The following CDV3 variants were observed in gnomAD, a reference collection of about 807,000 sequenced individuals.
CDV3 encodes protein CDV3 homolog.
CDV3 carries 14 observed loss-of-function variants against 24.5 expected under a neutral mutation model. The observed-to-expected ratio is 0.57, with a 90% CI of 0.38 to 0.89. The LOEUF (loss-of-function observed/expected upper bound fraction) is 0.89, where lower values mean the gene tolerates loss of function less well. CDV3 is among the 40% of genes least tolerant of loss of function. The pLI, the probability that CDV3 is intolerant of heterozygous loss-of-function variation, is 0.00. For synonymous variants in CDV3, 114 were observed against 114.1 expected, an observed-to-expected ratio of 1.00 and a Z score of 0.00; for missense variants, 304 against 310.2, an observed-to-expected ratio of 0.98 and a Z score of 0.15.
At chr3:133,576,492 A>C (rs190263270) in intron 2 of CDV3, among the ~76,000 whole-genome samples, 1 of 152,154 alleles carries the variant, frequency 6.6e-6, no homozygotes, top group Non-Finnish European at 1.5e-5. Context: ...TTCCTAAGTG[A>C]CTGCAGGTTC....
chr3:133,589,102 T>C lies in CDV3; in HGVS notation c.*1056T>C, dbSNP rs1933888650. The C allele has an allele frequency of 6.6e-6, 1 of 152,656 alleles. No individual in the cohort carries two copies. Among genetic ancestry groups the C allele is most frequent in the African/African-American group, 2.4e-5 (1 of 41,424 alleles). 9.5% of individuals were successfully genotyped at this position (152,656 alleles called of 1,614,324 possible). A position where few individuals can be genotyped will look rare whatever the true frequency, so the allele number is the denominator to read the frequency against. On this transcript the variant is annotated 3_prime_UTR_variant, in exon 5 of 5. Coordinates refer to ENST00000264993, the MANE Select transcript of CDV3 (RefSeq NM_017548.5). ...GTGTAGGAAACTGCAGTGGGAAGAA[T>C]ATGCTTTCTGCTCAGGCTAAGAGGG...
intron 4 of CDV3, chr3:133,587,139 T>C (rs777407140): frequency 3.5e-5 from 43 of 1,218,936 alleles, no homozygotes; most frequent in African/African-American, 6.3e-5. Context: ...AAATCTAATA[T>C]TAAAATAATC....
chr3:133,574,114 C>T lies in CDV3; in HGVS notation c.70C>T (p.Arg24Trp). ...GAGGGACAAGAAGAAGAAGAAGGAG[C>T]GGAGCAACCGGGCGGCGAGTGCCGC... ...AKRDKKKKKE[R>W]SNRAASAAGA... The change falls in exon 1 of 5, where the codon CGG becomes TGG. Residue 24 changes from arginine to tryptophan, a missense_variant. Transcript: ENST00000264993. 1 of 1,208,692 alleles carries T rather than the reference C, an allele frequency of 8.3e-7. No individual in the cohort carries two copies. 74.9% of individuals were successfully genotyped at this position (1,208,692 alleles called of 1,614,324 possible). A position where few individuals can be genotyped will look rare whatever the true frequency, so the allele number is the denominator to read the frequency against.
chr3:133,579,809 T>C (rs146261487), intron 2 of CDV3, among the ~76,000 whole-genome samples: 4 of 152,148 alleles, frequency 2.6e-5, no homozygotes, highest in Non-Finnish European at 5.9e-5. Context: ...GTCAGGGTGG[T>C]CTCGAACTCC....
Position 133,574,061 on chromosome 3 carries a change from AGC to A in CDV3, c.19_20del (p.Arg7GlufsTer53). 1 of 1,221,286 alleles carries A rather than the reference AGC, an allele frequency of 8.2e-7. No homozygotes were observed. Among genetic ancestry groups the A allele is most frequent in the Non-Finnish European group, 1.0e-6 (1 of 955,822 alleles). 75.7% of individuals were successfully genotyped at this position (1,221,286 alleles called of 1,614,324 possible). On this transcript the variant is annotated frameshift_variant, in exon 1 of 5. Coordinates refer to ENST00000264993, the MANE Select transcript of CDV3 (RefSeq NM_017548.5). LOFTEE classifies it high-confidence loss of function. ...GCCGAGGCCATGGCTGAGACGGAGG[AGC>A]GGAGCCTGGACAACTTCTTTGCCAA...
At chr3:133,586,068 A>G (rs1036254460) in intron 3 of CDV3, among the ~76,000 whole-genome samples, 3 of 151,900 alleles carry the variant, frequency 2.0e-5, no homozygotes, top group Non-Finnish European at 4.4e-5. Flanking sequence ...TTAGAATACT[A>G]CCCTAGAAAA....
chr3:133,583,482 T>C (rs1259301116), intron 2 of CDV3, among the ~76,000 whole-genome samples: 1 of 152,216 alleles, frequency 6.6e-6, no homozygotes, highest in Non-Finnish European at 1.5e-5. Flanking sequence ...CCTTAGTCGC[T>C]TGAGGTGGTA....
intron 2 of CDV3, among the ~76,000 whole-genome samples, chr3:133,577,239 A>C (rs146190711): frequency 6.6e-6 from 1 of 151,990 alleles, no homozygotes; most frequent in Non-Finnish European, 1.5e-5. Flanking sequence ...CTAACCTGCA[A>C]CACTGAGAAA....
At position 133,589,765 on chromosome 3, in the gene CDV3, A is replaced by G. The variant is rs1387388174; in HGVS notation, c.*1719A>G. 1 of 152,538 alleles carries G rather than the reference A, an allele frequency of 6.6e-6. No individual in the cohort carries two copies. Among genetic ancestry groups the G allele is most frequent in the Non-Finnish European group, 1.5e-5 (1 of 68,050 alleles). 9.4% of individuals were successfully genotyped at this position (152,538 alleles called of 1,614,324 possible). On this transcript the variant is annotated 3_prime_UTR_variant, in exon 5 of 5. Transcript: ENST00000264993. ...GGGACCTGCCACTCGCATCTGGGCA[A>G]TGTTGACATTTGAGGTGGCAGGCAG...
rs199960057 is a variant in CDV3 at position 133,586,536 on chromosome 3, T to A, written c.467-27T>A. 9.9e-4 allele frequency: 1,252 copies of A among 1,270,148 alleles called. 12 individuals are homozygous for A. Among genetic ancestry groups the A allele is most frequent in the Non-Finnish European group, 3.0e-4 (266 of 885,158 alleles). The allele number at this position is 1,270,148 out of a possible 1,614,324, so 78.7% of individuals were successfully genotyped here. ...TAAAATGCTGAGCATTTAAATAGTTTATCTAAAAATTGTTATAAAATATTA... is the reference window on the plus strand; with the variant it reads ...TAAAATGCTGAGCATTTAAATAGTTAATCTAAAAATTGTTATAAAATATTA... On this transcript the variant is annotated intron_variant, in intron 3 of 4. Transcript: ENST00000264993.
At chr3:133,574,418 G>T (rs934576904) in intron 1 of CDV3, 134 bp downstream of exon 1, 6 of 977,802 alleles carry the variant, frequency 6.1e-6, no homozygotes, top group African/African-American at 5.3e-5. Flanking sequence ...GCCACGTGAC[G>T]CAGGCTCTCC....
chr3:133,576,030 A>G (rs2074792802), intron 2 of CDV3, among the ~76,000 whole-genome samples: 1 of 152,220 alleles, frequency 6.6e-6, no homozygotes, highest in African/African-American at 2.4e-5. Context: ...TGGAGGAAAT[A>G]CTTTCCTTAA....
chr3:133,581,299 T>C (rs1399572723), intron 2 of CDV3, among the ~76,000 whole-genome samples: 2 of 152,076 alleles, frequency 1.3e-5, no homozygotes, highest in East Asian at 3.9e-4. Context: ...TGGGAGTATC[T>C]CTTGAGCCCT....
At chr3:133,576,223 GA>G (rs1437151209) in intron 2 of CDV3, among the ~76,000 whole-genome samples, 1 of 152,196 alleles carries the variant, frequency 6.6e-6, no homozygotes, top group African/African-American at 2.4e-5. Flanking sequence ...TTGATAATGG[GA>G]AACTTTCAGG....
At chr3:133,575,395 C>G (rs1005178241) in intron 2 of CDV3, among the ~76,000 whole-genome samples, 1 of 152,152 alleles carries the variant, frequency 6.6e-6, no homozygotes, top group African/African-American at 2.4e-5. Context: ...GATTTTGTCG[C>G]TTCAAAATTT....
intron 4 of CDV3, chr3:133,587,601 A>G: frequency 8.8e-7 from 1 of 1,137,544 alleles, no homozygotes; most frequent in Non-Finnish European, 1.1e-6. Context: ...TAAGAGTCTT[A>G]GGAGGAATGT....
Position 133,590,004 on chromosome 3 carries a change from A to G in CDV3, c.*1958A>G, listed in dbSNP as rs551217442. Reference sequence around the variant, plus strand: ...GGTTATGTTACTGAAGAATGAACAGATGAGTAAGTGGAGGTGTTATGTAAA... The same window carrying G: ...GGTTATGTTACTGAAGAATGAACAGGTGAGTAAGTGGAGGTGTTATGTAAA... On this transcript the variant is annotated 3_prime_UTR_variant, in exon 5 of 5. Coordinates refer to ENST00000264993, the MANE Select transcript of CDV3 (RefSeq NM_017548.5). The G allele has an allele frequency of 4.6e-5, 7 of 152,256 alleles. No homozygotes were observed. Among genetic ancestry groups the G allele is most frequent in the Non-Finnish European group, 8.8e-5 (6 of 68,052 alleles). 9.4% of individuals were successfully genotyped at this position (152,256 alleles called of 1,614,324 possible). A position where few individuals can be genotyped will look rare whatever the true frequency, so the allele number is the denominator to read the frequency against.
At chr3:133,584,196 G>A in intron 3 of CDV3, 46 bp downstream of exon 3, 1 of 1,391,546 alleles carries the variant, frequency 7.2e-7, no homozygotes, top group Non-Finnish European at 1.0e-6. Flanking sequence ...ATTTATATAT[G>A]ATTTTATATA....
intron 3 of CDV3, among the ~76,000 whole-genome samples, chr3:133,585,796 C>T (rs1264250274): frequency 6.6e-6 from 1 of 152,152 alleles, no homozygotes; most frequent in Non-Finnish European, 1.5e-5. Flanking sequence ...TGCACCCAGC[C>T]CTGGCTAGAA....
Sources: gnomAD v4.1 joint callset for allele counts (sites outside exome capture counted in the v4.1 genomes callset) on GRCh38, gnomAD v4.1.1 for gene constraint, MANE v1.5 for transcripts, NCBI Gene and HGNC (gene_info 2026-07-23, HGNC 2026-07-21) for gene names.